CRY1: variants seen among roughly 807,000 people sequenced by gnomAD.
CRY1 encodes cryptochrome-1.
In CRY1, 45 loss-of-function variants were observed where a neutral mutation model predicts 76.0. That is an observed-to-expected ratio of 0.59 (90% CI 0.47 to 0.76). CRY1 has a LOEUF of 0.76. Among genes scored for constraint, CRY1 ranks in the 30% least tolerant of loss-of-function variants. CRY1 has a pLI of 0.00. For missense variants in CRY1, 587 were observed against 716.4 expected, an observed-to-expected ratio of 0.82 and a Z score of 2.06; for synonymous variants, 248 against 244.0, an observed-to-expected ratio of 1.02 and a Z score of -0.15.
At chr12:107,065,216 C>T (rs987543047) in intron 1 of CRY1, among the ~76,000 whole-genome samples, 2 of 152,116 alleles carry the variant, frequency 1.3e-5, no homozygotes, top group Non-Finnish European at 2.9e-5. Flanking sequence ...ATTGCTTGAA[C>T]TCAGGAGGCA....
chr12:107,078,571 A>G (rs1419768024), intron 1 of CRY1, among the ~76,000 whole-genome samples: 1 of 152,088 alleles, frequency 6.6e-6, no homozygotes, highest in Non-Finnish European at 1.5e-5. Flanking sequence ...GCTGTATCCA[A>G]TCTCATCCAG....
chr12:107,001,233 G>C, intron 5 of CRY1, 47 bp downstream of exon 5: 1 of 1,349,714 alleles, frequency 7.4e-7, no homozygotes, highest in Non-Finnish European at 1.0e-6. Flanking sequence ...TTTTTTAAAT[G>C]GCAGTTTGGA....
At chr12:107,079,141 A>G in intron 1 of CRY1, among the ~76,000 whole-genome samples, 1 of 152,100 alleles carries the variant, frequency 6.6e-6, no homozygotes, top group East Asian at 1.9e-4. Context: ...CTTCCTACTC[A>G]TTTTACTTCA....
At chr12:107,041,394 G>A (rs576056168) in intron 1 of CRY1, among the ~76,000 whole-genome samples, 1 of 152,232 alleles carries the variant, frequency 6.6e-6, no homozygotes, top group East Asian at 1.9e-4. Context: ...AACTAATCTG[G>A]GTCTTTTTAT....
chr12:107,005,016 TA>T (rs1284441869), intron 3 of CRY1, 89 bp downstream of exon 3: 1 of 1,223,744 alleles, frequency 8.2e-7, no homozygotes, highest in Non-Finnish European at 1.1e-6. Context: ...ATGTAGTTAA[TA>T]CCACCGAACT....
intron 2 of CRY1, among the ~76,000 whole-genome samples, chr12:107,021,872 G>T (rs1952562648): frequency 6.6e-6 from 1 of 152,024 alleles, no homozygotes; most frequent in South Asian, 2.1e-4. Flanking sequence ...TAAGGTAGAA[G>T]AAAGATTGAA....
At chr12:107,059,643 T>C (rs1438339435) in intron 1 of CRY1, among the ~76,000 whole-genome samples, 1 of 152,206 alleles carries the variant, frequency 6.6e-6, no homozygotes, top group African/African-American at 2.4e-5. Context: ...CCAATTTAGA[T>C]ATCAAACAAA....
rs530556476 is a variant in CRY1 at position 106,994,969 on chromosome 12, C to T, written c.1586-1933G>A. On this transcript the variant is annotated intron_variant, in intron 10 of 12. Coordinates refer to ENST00000008527, the MANE Select transcript of CRY1 (RefSeq NM_004075.5). ...TGCCATCACTGGCAACTGTCGACTG[C>T]TGGGTGGATCACATTCCAGGAATAA... Among the ~76,000 whole-genome samples the T allele has an allele frequency of 5.9e-5, 9 of 152,358 alleles. No individual in the cohort carries two copies. The South Asian group carries it at 1.9e-3, about 32-fold the overall frequency.
intron 1 of CRY1, among the ~76,000 whole-genome samples, chr12:107,067,369 A>T (rs1296802868): frequency 6.6e-6 from 1 of 152,146 alleles, no homozygotes; most frequent in African/African-American, 2.4e-5. Context: ...TAATTCACTG[A>T]TACACAAGAG....
chr12:107,037,532 CA>C (rs1287551552), intron 1 of CRY1, among the ~76,000 whole-genome samples: 22 of 143,638 alleles, frequency 1.5e-4, no homozygotes, highest in East Asian at 2.0e-4. Flanking sequence ...AACTCAATTT[CA>C]AAAAAAAAAG....
chr12:107,000,127 A>T (rs750597698), intron 5 of CRY1, 45 bp from the exon 6 acceptor site: 2 of 1,523,594 alleles, frequency 1.3e-6, no homozygotes, highest in African/African-American at 2.8e-5. Flanking sequence ...TGTCTTTTTC[A>T]TTTTAAAAGA....
intron 2 of CRY1, among the ~76,000 whole-genome samples, chr12:107,005,817 T>C (rs1488572277): frequency 6.6e-6 from 1 of 152,150 alleles, no homozygotes; most frequent in South Asian, 2.1e-4. Flanking sequence ...ACTGAAAAAT[T>C]TGGAGATGGT....
At chr12:107,063,470 G>A (rs138635453) in intron 1 of CRY1, among the ~76,000 whole-genome samples, 46 of 152,286 alleles carry the variant, frequency 3.0e-4, no homozygotes, top group African/African-American at 1.1e-3. Flanking sequence ...TTTGGGGCAA[G>A]TTTTTCAATG....
chr12:107,000,054 CGA>C lies in CRY1; in HGVS notation c.711_712del (p.Arg238AsnfsTer14). On this transcript the variant is annotated frameshift_variant, in exon 6 of 13. Transcript: ENST00000008527. LOFTEE classifies it high-confidence loss of function. ...TGCAAGCAGAGAATTCGCATTCATTCGAGGTCTTTCAAAATTTGCCACCCAAG... is the reference window on the plus strand; with the variant it reads ...TGCAAGCAGAGAATTCGCATTCATTCGGTCTTTCAAAATTTGCCACCCAAG... The C allele has an allele frequency of 6.2e-7, 1 of 1,603,948 alleles. No homozygotes were observed. Among genetic ancestry groups the C allele is most frequent in the Non-Finnish European group, 8.5e-7 (1 of 1,177,388 alleles).
chr12:107,007,936 G>C (rs1468108502), intron 2 of CRY1, among the ~76,000 whole-genome samples: 1 of 152,128 alleles, frequency 6.6e-6, no homozygotes, highest in East Asian at 1.9e-4. Flanking sequence ...GTTCAGTCAC[G>C]TAAGCCAGGG....
chr12:107,001,623 G>T, intron 4 of CRY1, 141 bp downstream of exon 4: 1 of 725,394 alleles, frequency 1.4e-6, no homozygotes, highest in South Asian at 2.2e-5. Context: ...ACTTCTTAAA[G>T]GGTTCTTTTT....
At chr12:107,085,602 T>C (rs35536156) in intron 1 of CRY1, among the ~76,000 whole-genome samples, 1 of 150,464 alleles carries the variant, frequency 6.6e-6, no homozygotes, top group African/African-American at 2.4e-5. Flanking sequence ...TAAGTAGGAG[T>C]TGAACAATGA....
chr12:107,066,767 A>G (rs1953117084), intron 1 of CRY1, among the ~76,000 whole-genome samples: 1 of 151,074 alleles, frequency 6.6e-6, no homozygotes, highest in Admixed American at 6.6e-5. Flanking sequence ...CCTGGCTTAG[A>G]TTAATTTTGT....
intron 1 of CRY1, among the ~76,000 whole-genome samples, chr12:107,059,748 A>C (rs900246161): frequency 1.3e-5 from 2 of 152,148 alleles, no homozygotes; most frequent in African/African-American, 2.4e-5. Flanking sequence ...ATACCAAACA[A>C]CTGAACACTG....
Sources: gnomAD v4.1 joint callset for allele counts (sites outside exome capture counted in the v4.1 genomes callset) on GRCh38, gnomAD v4.1.1 for gene constraint, MANE v1.5 for transcripts, NCBI Gene and HGNC (gene_info 2026-07-23, HGNC 2026-07-21) for gene names.